TDRD3: variants seen among roughly 807,000 people sequenced by gnomAD.
TDRD3 encodes the protein tudor domain-containing protein 3.
In TDRD3, 45 loss-of-function variants were observed where a neutral mutation model predicts 86.7. The observed-to-expected ratio is 0.52, with a 90% CI of 0.41 to 0.67. The LOEUF is 0.67. TDRD3 is among the 30% of genes least tolerant of loss of function. The pLI, the probability that TDRD3 is intolerant of heterozygous loss-of-function variation, is 0.00. For synonymous variants in TDRD3, 298 were observed against 301.7 expected (o/e 0.99, Z 0.13); for missense variants, 814 against 889.0 (o/e 0.92, Z 1.07).
chr13:60,545,706 A>T (rs1218763859), intron 12 of TDRD3, among the ~76,000 whole-genome samples: 1 of 152,080 alleles, frequency 6.6e-6, no homozygotes, highest in African/African-American at 2.4e-5. Context: ...GAAATCATGA[A>T]TTTGACCATC....
chr13:60,426,769 A>G (rs763588093), intron 1 of TDRD3, among the ~76,000 whole-genome samples: 1 of 152,224 alleles, frequency 6.6e-6, no homozygotes, highest in African/African-American at 2.4e-5. Flanking sequence ...AAACCTTCAC[A>G]TACCATATAC....
intron 1 of TDRD3, among the ~76,000 whole-genome samples, chr13:60,398,564 A>G (rs140129317): frequency 3.9e-4 from 59 of 152,346 alleles, no homozygotes; most frequent in Middle Eastern, 3.4e-3. Context: ...ATATAATCAC[A>G]ACTGTGCTTT....
intron 1 of TDRD3, among the ~76,000 whole-genome samples, chr13:60,403,702 A>C (rs1171121093): frequency 6.6e-6 from 1 of 152,208 alleles, no homozygotes; most frequent in Non-Finnish European, 1.5e-5. Context: ...AACTGCATAG[A>C]CAGAGAGCCT....
intron 10 of TDRD3, among the ~76,000 whole-genome samples, chr13:60,519,434 A>G (rs370704102): frequency 2.0e-5 from 3 of 152,236 alleles, no homozygotes; most frequent in Admixed American, 1.3e-4. Context: ...TGCCTCGTAT[A>G]TAAATACCTG....
intron 5 of TDRD3, among the ~76,000 whole-genome samples, chr13:60,477,234 A>T (rs1205378710): frequency 7.5e-6 from 1 of 133,628 alleles, no homozygotes; most frequent in Non-Finnish European, 1.7e-5. Context: ...ATTATTATTA[A>T]GACAGAATCT....
intron 7 of TDRD3, among the ~76,000 whole-genome samples, chr13:60,488,365 A>G (rs539301355): frequency 1.3e-5 from 2 of 152,316 alleles, no homozygotes; most frequent in Non-Finnish European, 2.9e-5. Context: ...AAGAACTCAG[A>G]TAAAGATAAA....
chr13:60,469,069 C>A (rs1351388993), intron 5 of TDRD3, among the ~76,000 whole-genome samples: 2 of 152,074 alleles, frequency 1.3e-5, no homozygotes, highest in Non-Finnish European at 1.5e-5. Context: ...GTACTAATTT[C>A]TTATGATACT....
chr13:60,473,678 CA>C (rs1183763552), intron 5 of TDRD3, among the ~76,000 whole-genome samples: 11 of 152,234 alleles, frequency 7.2e-5, no homozygotes, highest in African/African-American at 2.4e-4. Flanking sequence ...CCAGGCCATA[CA>C]GAGATAGGAG....
intron 2 of TDRD3, 142 bp downstream of exon 2, chr13:60,439,914 G>C (rs1284694556): frequency 3.8e-6 from 2 of 531,078 alleles, no homozygotes; most frequent in Non-Finnish European, 3.2e-6. Context: ...TAGTGATGAT[G>C]TTTGTTGAAT....
intron 1 of TDRD3, among the ~76,000 whole-genome samples, chr13:60,399,081 G>T (rs1325222163): frequency 6.6e-6 from 1 of 151,988 alleles, no homozygotes; most frequent in African/African-American, 2.4e-5. Context: ...GTTTTCTCTG[G>T]CCTCTTATGC....
intron 1 of TDRD3, among the ~76,000 whole-genome samples, chr13:60,438,494 A>G (rs540858504): frequency 3.3e-5 from 5 of 152,124 alleles, no homozygotes; most frequent in Non-Finnish European, 7.4e-5. Context: ...TCATTTTGTT[A>G]ACATTCTTGG....
intron 1 of TDRD3, among the ~76,000 whole-genome samples, chr13:60,407,258 C>T (rs75419863): frequency 0.047 from 7,181 of 152,174 alleles, 228 homozygotes; most frequent in Non-Finnish European, 0.068. Flanking sequence ...GCATTTAGCA[C>T]GATGTAAGGT....
intron 1 of TDRD3, among the ~76,000 whole-genome samples, chr13:60,403,556 T>C (rs1954157043): frequency 6.6e-6 from 1 of 152,136 alleles, no homozygotes; most frequent in Non-Finnish European, 1.5e-5. Flanking sequence ...ACTTGTGAAG[T>C]CATAGCACAG....
intron 5 of TDRD3, among the ~76,000 whole-genome samples, chr13:60,477,233 A>ATT (rs1566225386): frequency 6.6e-6 from 1 of 150,934 alleles, no homozygotes. Flanking sequence ...TATTATTATT[A>ATT]AGACAGAATC....
At chr13:60,552,555 A>G (rs1353842290) in intron 12 of TDRD3, among the ~76,000 whole-genome samples, 1 of 152,212 alleles carries the variant, frequency 6.6e-6, no homozygotes, top group Non-Finnish European at 1.5e-5. Context: ...TGGGGTCCAG[A>G]GGATGGTGGC....
chr13:60,513,913 A>G (rs952944102), intron 10 of TDRD3, among the ~76,000 whole-genome samples: 1 of 152,148 alleles, frequency 6.6e-6, no homozygotes, highest in African/African-American at 2.4e-5. Context: ...GTAAATTGGT[A>G]CCAGCAGAGT....
intron 12 of TDRD3, among the ~76,000 whole-genome samples, chr13:60,551,644 T>C (rs187850761): frequency 1.8e-4 from 27 of 152,320 alleles, no homozygotes; most frequent in African/African-American, 6.0e-4. Flanking sequence ...AAATTTTCTT[T>C]TCTGTTTCAA....
chr13:60,450,828 G>C (rs893994876), intron 3 of TDRD3, among the ~76,000 whole-genome samples: 1 of 152,034 alleles, frequency 6.6e-6, no homozygotes, highest in Admixed American at 6.6e-5. Context: ...GTTTAGTGAG[G>C]GTATTAGGTT....
chr13:60,463,742 G>A (rs1180595621), intron 4 of TDRD3, among the ~76,000 whole-genome samples: 1 of 152,068 alleles, frequency 6.6e-6, no homozygotes, highest in African/African-American at 2.4e-5. Context: ...CATACACATG[G>A]CCAACAGGCA....
Sources: allele counts gnomAD v4.1 joint callset (sites outside exome capture counted in the v4.1 genomes callset), GRCh38; gene constraint gnomAD v4.1.1; transcripts MANE v1.5; gene names NCBI Gene and HGNC (gene_info 2026-07-23, HGNC 2026-07-21).